ATP2C1: variants seen among roughly 807,000 people sequenced by gnomAD.
ATP2C1 encodes the protein ATPase secretory pathway Ca2+ transporting 1, also known as calcium-transporting ATPase type 2C member 1.
In ATP2C1, 31 loss-of-function variants were observed where a neutral mutation model predicts 120.5. That is an observed-to-expected ratio of 0.26 (90% confidence interval 0.19 to 0.35). The LOEUF (loss-of-function observed/expected upper bound fraction) is 0.35, where lower values mean the gene tolerates loss of function less well. Ranked by LOEUF, ATP2C1 falls within the 10% of genes least tolerant of loss-of-function variation. The pLI is 1.00. For missense variants in ATP2C1, 731 were observed against 1,107.5 expected, an observed-to-expected ratio of 0.66 and a Z score of 4.83; for synonymous variants, 351 against 358.7, an observed-to-expected ratio of 0.98 and a Z score of 0.24.
intron 2 of ATP2C1, among the ~76,000 whole-genome samples, chr3:130,923,001 A>T (rs115968764): frequency 0.027 from 4,093 of 151,998 alleles, 188 homozygotes; most frequent in African/African-American, 0.093. Flanking sequence ...TCTTAAGTCC[A>T]TTGTTTCTTT....
chr3:130,937,787 A>C (rs2059734697), intron 6 of ATP2C1, among the ~76,000 whole-genome samples: 1 of 152,236 alleles, frequency 6.6e-6, no homozygotes, highest in African/African-American at 2.4e-5. Flanking sequence ...TTTTCAATTA[A>C]AAAATTGGAC....
chr3:130,995,837 C>T (rs1026057464), intron 22 of ATP2C1, among the ~76,000 whole-genome samples: 4 of 151,978 alleles, frequency 2.6e-5, no homozygotes, highest in East Asian at 1.9e-4. Context: ...GACGGAGTTT[C>T]GCTGCACCAT....
chr3:130,882,164 T>C (rs921300868), intron 1 of ATP2C1, among the ~76,000 whole-genome samples: 2 of 152,154 alleles, frequency 1.3e-5, no homozygotes, highest in African/African-American at 4.8e-5. Flanking sequence ...TTTTTCCCCA[T>C]TCAGGGTAAT....
chr3:130,972,472 C>T (rs1390597130), intron 17 of ATP2C1, among the ~76,000 whole-genome samples: 2 of 142,900 alleles, frequency 1.4e-5, no homozygotes, highest in East Asian at 4.0e-4. Context: ...TTTCTTCACT[C>T]TTTTTTTTTT....
chr3:130,975,166 C>T (rs2061487609), intron 17 of ATP2C1, among the ~76,000 whole-genome samples, 166 bp from the exon 18 acceptor site: 1 of 152,064 alleles, frequency 6.6e-6, no homozygotes, highest in South Asian at 2.1e-4. Context: ...ACAGAAAGCT[C>T]CCCTATAGGA....
intron 20 of ATP2C1, among the ~76,000 whole-genome samples, chr3:130,990,940 A>G (rs1303920795): frequency 1.3e-5 from 2 of 152,218 alleles, no homozygotes; most frequent in African/African-American, 4.8e-5. Flanking sequence ...CTAAGAGGAA[A>G]TGTGAAGTAG....
At chr3:130,987,445 C>T (rs749157844) in intron 20 of ATP2C1, among the ~76,000 whole-genome samples, 3 of 152,178 alleles carry the variant, frequency 2.0e-5, no homozygotes, top group Non-Finnish European at 2.9e-5. Context: ...TCCCTCATGA[C>T]TCAGTCTCCT....
chr3:130,869,852 A>G (rs548522152), intron 1 of ATP2C1, among the ~76,000 whole-genome samples: 1 of 152,384 alleles, frequency 6.6e-6, no homozygotes, highest in South Asian at 2.1e-4. Flanking sequence ...AAGGTGAAGC[A>G]GCAAGGAGTG....
chr3:130,855,331 G>A (rs1286119341), intron 1 of ATP2C1, among the ~76,000 whole-genome samples: 1 of 152,136 alleles, frequency 6.6e-6, no homozygotes, highest in Non-Finnish European at 1.5e-5. Context: ...CATAAATCTG[G>A]CACATAGATG....
At chr3:131,014,343 A>G (rs2063483369) in intron 26 of ATP2C1, 2 of 1,612,022 alleles carry the variant, frequency 1.2e-6, no homozygotes, top group South Asian at 2.2e-5. Context: ...GGTCGATGCT[A>G]GCAGTTGCTG....
chr3:130,975,636 G>C (rs1168763925), intron 18 of ATP2C1, 148 bp downstream of exon 18: 4 of 920,378 alleles, frequency 4.3e-6, no homozygotes, highest in Non-Finnish European at 6.7e-6. Flanking sequence ...AGTTTTAGTT[G>C]GTTAATTGGC....
At chr3:130,862,963 A>G (rs565847812) in intron 1 of ATP2C1, among the ~76,000 whole-genome samples, 1 of 152,304 alleles carries the variant, frequency 6.6e-6, no homozygotes, top group East Asian at 1.9e-4. Context: ...TTTTTAACGA[A>G]ACATAAGATT....
intron 26 of ATP2C1, among the ~76,000 whole-genome samples, chr3:131,012,057 CTT>C (rs1279840451): frequency 6.6e-6 from 1 of 152,032 alleles, no homozygotes; most frequent in Non-Finnish European, 1.5e-5. Flanking sequence ...AGGAACCTGA[CTT>C]ATTACTTCTG....
chr3:130,962,834 G>T lies in ATP2C1; in HGVS notation c.900-1137G>T, dbSNP rs1303559555. The T allele has an allele frequency of 2.6e-5, 4 of 151,498 alleles. No homozygotes were observed. The East Asian group carries it at 7.7e-4, about 29-fold the overall frequency. 9.4% of individuals were successfully genotyped at this position (151,498 alleles called of 1,614,324 possible). A position where few individuals can be genotyped will look rare whatever the true frequency, so the allele number is the denominator to read the frequency against. Reference sequence around the variant, plus strand: ...GTATTAATGATAATACATATTTCTTGACTCTTCAGTGTGTATTGTTTAGCC... The same window carrying T: ...GTATTAATGATAATACATATTTCTTTACTCTTCAGTGTGTATTGTTTAGCC... On this transcript the variant is annotated intron_variant, in intron 12 of 27. Transcript: ENST00000510168.
chr3:130,933,046 C>T (rs2059516194), intron 4 of ATP2C1, among the ~76,000 whole-genome samples: 1 of 152,138 alleles, frequency 6.6e-6, no homozygotes, highest in African/African-American at 2.4e-5. Context: ...CCAAAGACTT[C>T]AGAAAGCATT....
chr3:130,858,674 T>C (rs1051840025), intron 1 of ATP2C1, among the ~76,000 whole-genome samples: 1 of 152,174 alleles, frequency 6.6e-6, no homozygotes, highest in African/African-American at 2.4e-5. Flanking sequence ...GGAGTAGGGG[T>C]GCAATGAATT....
rs769836888 is a variant in ATP2C1 at position 131,001,224 on chromosome 3, G to A, written c.2634G>A (p.Leu878=). 1.2e-6 allele frequency: 2 copies of A among 1,611,504 alleles called. No individual in the cohort carries two copies. Among genetic ancestry groups the A allele is most frequent in the South Asian group, 1.1e-5 (1 of 91,066 alleles). ...FQTESLSILD[L]LFLLGLTSSV... The stretch of plus-strand genomic sequence containing the variant: ...CCAACTTATTTTCTCTTGCAGATCT[G>A]TTGTTTCTTTTGGGTCTCACCTCAT... Residue 878 remains leucine (L), a synonymous_variant, in exon 28 of 28, where the codon CTG becomes CTA. Transcript: ENST00000510168.
chr3:130,934,710 T>C lies in ATP2C1; in HGVS notation c.323T>C (p.Val108Ala). ...TTTGATGATGCCGTCAGTATCACTG[T>C]GGTAAGAAAAAAATTACATATTTTT... ...HQFDDAVSIT[V>A]AILIVVTVAF... is the part of the protein sequence containing the mutation. The change falls in exon 5 of 28, where the codon GTG becomes GCG. Residue 108 changes from valine (V) to alanine (A), a missense_variant and splice_region_variant. By Grantham distance (64) the Val-to-Ala change is moderately conservative (BLOSUM62 0). This residue lies in a region of ATP2C1 where 571 missense variants were observed against 845.9 expected (regional missense o/e 0.67). Transcript: ENST00000510168. 1 of 1,596,612 alleles carries C rather than the reference T, an allele frequency of 6.3e-7. No homozygotes were observed. The highest frequency in any genetic ancestry group is 8.6e-7 in the Non-Finnish European group (1 of 1,164,324).
intron 2 of ATP2C1, 129 bp from the exon 3 acceptor site, chr3:130,930,287 C>T (rs150147370): frequency 9.9e-6 from 7 of 707,096 alleles, no homozygotes; most frequent in East Asian, 8.2e-5. Flanking sequence ...GGACTAGCTA[C>T]GTAATTAGTC....
Sources: gnomAD v4.1 joint callset for allele counts (sites outside exome capture counted in the v4.1 genomes callset) on GRCh38, gnomAD v4.1.1 for gene constraint, gnomAD v4.1.1 regional missense constraint, MANE v1.5 for transcripts, NCBI Gene and HGNC (gene_info 2026-07-23, HGNC 2026-07-21) for gene names.